Variants in HP1BP3 observed in about 807,000 individuals in gnomAD.
HP1BP3 encodes heterochromatin protein 1-binding protein 3.
Under a neutral mutation model 62.5 loss-of-function variants are expected in HP1BP3, and 12 were observed. The ratio of observed to expected loss-of-function variants is 0.19; its 90% CI spans 0.12 to 0.31. The LOEUF (loss-of-function observed/expected upper bound fraction) is 0.31, where lower values mean the gene tolerates loss of function less well. HP1BP3 is among the 10% of genes least tolerant of loss of function. The probability of loss-of-function intolerance (pLI) is 1.00; values close to 1 mark genes in which losing one functional copy is unlikely to be tolerated. For synonymous variants in HP1BP3, 260 were observed against 237.8 expected, an observed-to-expected ratio of 1.09 and a Z score of -0.86; for missense variants, 502 against 651.8, an observed-to-expected ratio of 0.77 and a Z score of 2.50.
intron 7 of HP1BP3, 22 bp from the exon 8 acceptor site, chr1:20,765,553 T>C: frequency 6.3e-7 from 1 of 1,587,730 alleles, no homozygotes; most frequent in Non-Finnish European, 8.6e-7. Flanking sequence ...TTATCAAAAA[T>C]TATGATCATT....
intron 9 of HP1BP3, among the ~76,000 whole-genome samples, chr1:20,754,638 A>G (rs1036739478): frequency 2.6e-5 from 4 of 152,220 alleles, no homozygotes; most frequent in African/African-American, 4.8e-5. Context: ...ATACACCTAC[A>G]GAACAAAAGA....
intron 9 of HP1BP3, among the ~76,000 whole-genome samples, chr1:20,753,390 C>A (rs987989909): frequency 1.3e-5 from 2 of 152,166 alleles, no homozygotes; most frequent in Non-Finnish European, 2.9e-5. Context: ...TAAAATTCAA[C>A]CTTTCAAGAG....
intron 4 of HP1BP3, 67 bp from the exon 5 acceptor site, chr1:20,773,677 G>T: frequency 8.9e-7 from 1 of 1,126,856 alleles, no homozygotes; most frequent in Non-Finnish European, 1.2e-6. Context: ...GTCAGAAGGA[G>T]GAAAAGACCA....
At chr1:20,748,300 TATC>T in intron 10 of HP1BP3, among the ~76,000 whole-genome samples, 1 of 152,282 alleles carries the variant, frequency 6.6e-6, no homozygotes, top group Non-Finnish European at 1.5e-5. Context: ...AACAAAACAA[TATC>T]ATGGTTCCTG....
intron 5 of HP1BP3, among the ~76,000 whole-genome samples, chr1:20,773,032 C>T (rs1220532568): frequency 6.6e-6 from 1 of 152,074 alleles, no homozygotes; most frequent in Non-Finnish European, 1.5e-5. Flanking sequence ...CAAAAATTCT[C>T]AATATTTTTC....
At chr1:20,754,471 T>G (rs1027533641) in intron 9 of HP1BP3, among the ~76,000 whole-genome samples, 5 of 132,504 alleles carry the variant, frequency 3.8e-5, no homozygotes, top group South Asian at 2.3e-4. Context: ...GTTTTTTTGG[T>G]TTTTTTTTTT....
At position 20,741,918 on chromosome 1, in the gene HP1BP3, TCAAA is replaced by T. The variant is rs557316494; in HGVS notation, c.*2875_*2878del. Among the ~76,000 whole-genome samples, 21 of 152,304 alleles carry T rather than the reference TCAAA, an allele frequency of 1.4e-4. 1 individual carries two copies. The South Asian group carries it at 4.4e-3, about 32-fold the overall frequency. On this transcript the variant is annotated 3_prime_UTR_variant, in exon 13 of 13. Transcript: ENST00000438032. ...CTTTGGAATGCCTGGAAGGGAAAAA[TCAAA>T]CATTCTTTTATCTCAATGTAAGTAA...
intron 9 of HP1BP3, among the ~76,000 whole-genome samples, chr1:20,750,535 A>G (rs923889088): frequency 6.6e-6 from 1 of 151,974 alleles, no homozygotes; most frequent in African/African-American, 2.4e-5. Flanking sequence ...TAAAAAAATA[A>G]ATAAATAAAA....
In HP1BP3 at chr1:20,761,385, T is replaced by C. The variant is rs564267956; in HGVS notation, c.890+3992A>G. Among the ~76,000 whole-genome samples, 10 of 152,276 alleles carry C rather than the reference T, an allele frequency of 6.6e-5. No individual in the cohort carries two copies. In the South Asian group the frequency reaches 8.3e-4, roughly 13 times the overall value. On this transcript the variant is annotated intron_variant, in intron 8 of 12. Coordinates refer to ENST00000438032, the MANE Select transcript of HP1BP3 (RefSeq NM_001372052.1). The stretch of plus-strand genomic sequence containing the variant: ...AAGACAGAGCAAAAATAATTGCTTA[T>C]AGATTAGATAAAGGTGTCTGATAAA...
chr1:20,743,803 C>T lies in HP1BP3; in HGVS notation c.*994G>A, dbSNP rs1225345312. On this transcript the variant is annotated 3_prime_UTR_variant, in exon 13 of 13. Transcript: ENST00000438032. Reference sequence around the variant, plus strand: ...GTGGGATAGGCCAGGCACAGTGGCTCACTCCTGTAATCCCAGCACTTTGGG... The same window carrying T: ...GTGGGATAGGCCAGGCACAGTGGCTTACTCCTGTAATCCCAGCACTTTGGG... The T allele has an allele frequency of 3.3e-5, 5 of 152,216 alleles. No homozygotes were observed. Among genetic ancestry groups the T allele is most frequent in the African/African-American group, 9.7e-5 (4 of 41,412 alleles). The allele number at this position is 152,216 out of a possible 1,614,324, so 9.4% of individuals were successfully genotyped here.
At chr1:20,780,261 G>C (rs2057483953) in intron 2 of HP1BP3, 84 bp downstream of exon 2, 1 of 945,452 alleles carries the variant, frequency 1.1e-6, no homozygotes, top group Non-Finnish European at 1.7e-6. Context: ...AGTAAGGGAA[G>C]GAACATGTAC....
intron 9 of HP1BP3, among the ~76,000 whole-genome samples, chr1:20,752,670 C>T (rs1054564425): frequency 1.3e-5 from 2 of 152,060 alleles, no homozygotes; most frequent in African/African-American, 4.8e-5. Flanking sequence ...CAGATAAAGG[C>T]AGAGACACAA....
chr1:20,781,142 G>A (rs1054652936), intron 1 of HP1BP3, among the ~76,000 whole-genome samples: 1 of 151,934 alleles, frequency 6.6e-6, no homozygotes, highest in Non-Finnish European at 1.5e-5. Context: ...TAGTACAGAA[G>A]AATATAATTA....
chr1:20,774,990 C>CAAAAAAA, intron 4 of HP1BP3: 1 of 77,224 alleles, frequency 1.3e-5, no homozygotes, highest in East Asian at 3.9e-4. Context: ...GACTCCATCT[C>CAAAAAAA]AAAAAAAAAA....
rs566427967 is a variant in HP1BP3, at chr1:20,779,682, C to G, written c.196+130G>C. 1.3e-4 allele frequency: 72 copies of G among 567,440 alleles called. No homozygotes were observed. The South Asian group carries it at 1.5e-3, about 11-fold the overall frequency. 35.2% of individuals were successfully genotyped at this position (567,440 alleles called of 1,614,324 possible). On this transcript the variant is annotated intron_variant, in intron 3 of 12. Coordinates refer to ENST00000438032, the MANE Select transcript of HP1BP3 (RefSeq NM_001372052.1). ...ACATACCAATAGCTACTGATTCTCTCTAAATGTTTCCCCAAAACACTTAGC... is the reference window on the plus strand; with the variant it reads ...ACATACCAATAGCTACTGATTCTCTGTAAATGTTTCCCCAAAACACTTAGC...
chr1:20,770,226 A>G (rs2056994141), intron 6 of HP1BP3, among the ~76,000 whole-genome samples: 1 of 152,228 alleles, frequency 6.6e-6, no homozygotes, highest in African/African-American at 2.4e-5. Context: ...AGTTAAGGTG[A>G]GCACATTTAT....
rs942853623 is a variant in HP1BP3, at chr1:20,741,885, T to C, written c.*2912A>G. ...CATGGAAGTAAAAATTATAAATGTG[T>C]TCTGCTCCTTTGGAATGCCTGGAAG... On this transcript the variant is annotated 3_prime_UTR_variant, in exon 13 of 13. Coordinates refer to ENST00000438032, the MANE Select transcript of HP1BP3 (RefSeq NM_001372052.1). Among the ~76,000 whole-genome samples, 3 of 152,362 alleles carry C rather than the reference T, an allele frequency of 2.0e-5. No individual in the cohort carries two copies. The highest frequency in any genetic ancestry group is 3.4e-3 in the Middle Eastern group (1 of 294).
At chr1:20,758,968 G>C (rs1401804748) in intron 8 of HP1BP3, among the ~76,000 whole-genome samples, 2 of 152,000 alleles carry the variant, frequency 1.3e-5, no homozygotes, top group African/African-American at 2.4e-5. Context: ...AGAGGTTTTG[G>C]TTGGTCATTA....
At chr1:20,776,292 T>C (rs1170971797) in intron 4 of HP1BP3, 4 of 427,766 alleles carry the variant, frequency 9.4e-6, no homozygotes, top group African/African-American at 4.1e-5. Flanking sequence ...TCATTTCTTA[T>C]TGAAGTCTTG....
Sources: gnomAD v4.1 joint callset for allele counts (sites outside exome capture counted in the v4.1 genomes callset) on GRCh38, gnomAD v4.1.1 for gene constraint, MANE v1.5 for transcripts, NCBI Gene and HGNC (gene_info 2026-07-23, HGNC 2026-07-21) for gene names.